KCNQ5: variants seen among roughly 807,000 people sequenced by gnomAD.
KCNQ5 encodes the protein potassium voltage-gated channel subfamily Q member 5.
KCNQ5 carries 30 observed loss-of-function variants against 98.2 expected under a neutral mutation model. That is an observed-to-expected ratio of 0.31 (90% CI 0.23 to 0.41). KCNQ5 has a LOEUF of 0.41. Ranked by LOEUF, KCNQ5 falls within the 10% of genes least tolerant of loss-of-function variation. KCNQ5 has a pLI of 1.00. For synonymous variants in KCNQ5, 458 were observed against 449.4 expected, an observed-to-expected ratio of 1.02 and a Z score of -0.24; for missense variants, 835 against 1,182.5, an observed-to-expected ratio of 0.71 and a Z score of 4.31.
At chr6:73,165,644 T>A (rs1417859506) in intron 10 of KCNQ5, among the ~76,000 whole-genome samples, 1 of 152,112 alleles carries the variant, frequency 6.6e-6, no homozygotes, top group Non-Finnish European at 1.5e-5. Context: ...CAGATACCAA[T>A]AAGAGATACA....
At chr6:72,675,843 T>C (rs1334565478) in intron 1 of KCNQ5, among the ~76,000 whole-genome samples, 2 of 152,194 alleles carry the variant, frequency 1.3e-5, no homozygotes, top group Middle Eastern at 3.2e-3. Context: ...GATGGGAGCA[T>C]TGGCTTAGAA....
chr6:73,167,365 T>G (rs1039344649), intron 10 of KCNQ5, among the ~76,000 whole-genome samples: 1 of 152,180 alleles, frequency 6.6e-6, no homozygotes, highest in Non-Finnish European at 1.5e-5. Context: ...TAGTCACAAT[T>G]TAACCCCAAA....
chr6:73,119,723 T>C (rs76818594), intron 7 of KCNQ5, among the ~76,000 whole-genome samples: 3,130 of 152,294 alleles, frequency 0.021, 116 homozygotes, highest in African/African-American at 0.071. Flanking sequence ...TGGATTTTCA[T>C]TAGTCCTTTG....
intron 3 of KCNQ5, among the ~76,000 whole-genome samples, chr6:73,056,858 G>A (rs1772524870): frequency 6.6e-6 from 1 of 152,084 alleles, no homozygotes; most frequent in Non-Finnish European, 1.5e-5. Flanking sequence ...GGAGAAATAG[G>A]AACATTTTTA....
chr6:73,072,626 G>T (rs752722405), intron 3 of KCNQ5, among the ~76,000 whole-genome samples: 3 of 152,094 alleles, frequency 2.0e-5, no homozygotes, highest in Non-Finnish European at 2.9e-5. Context: ...CTAAAAATAA[G>T]CTCTTTCACA....
intron 10 of KCNQ5, chr6:73,134,073 A>T: frequency 2.2e-6 from 1 of 455,254 alleles, no homozygotes; most frequent in Non-Finnish European, 4.5e-6. Context: ...TCAACAATGA[A>T]GGTGCTCTTT....
intron 1 of KCNQ5, among the ~76,000 whole-genome samples, chr6:72,787,164 C>T (rs1327193030): frequency 1.3e-5 from 2 of 152,040 alleles, no homozygotes; most frequent in Non-Finnish European, 2.9e-5. Context: ...CACAAATTCA[C>T]AGTGGTTTTT....
rs750340310 is a variant in KCNQ5, at chr6:73,124,498, G to A, written c.1233G>A (p.Gly411=). Residue 411 remains glycine, a synonymous_variant, in exon 9 of 14, where the codon GGG becomes GGA. Transcript: ENST00000370398. ...HTCSPTKKEQ[G]EASSSQKLSF... ...CACGCACCTGAAGGAAAGAACAAGGGGAAGCATCAAGCAGGTTTGTGATTT... is the reference window on the plus strand; with the variant it reads ...CACGCACCTGAAGGAAAGAACAAGGAGAAGCATCAAGCAGGTTTGTGATTT... 6 of 1,613,410 alleles carry A rather than the reference G, an allele frequency of 3.7e-6. No individual in the cohort carries two copies. The highest frequency in any genetic ancestry group is 4.2e-6 in the Non-Finnish European group (5 of 1,179,564).
chr6:73,001,397 A>G (rs1239371500), intron 1 of KCNQ5, among the ~76,000 whole-genome samples: 4 of 152,250 alleles, frequency 2.6e-5, no homozygotes, highest in African/African-American at 9.6e-5. Flanking sequence ...CCATTGTAGA[A>G]GGCACTGTAC....
chr6:73,000,336 T>C (rs552432828), intron 1 of KCNQ5, among the ~76,000 whole-genome samples: 27 of 152,332 alleles, frequency 1.8e-4, no homozygotes, highest in African/African-American at 4.8e-4. Flanking sequence ...ATGTGTTCAT[T>C]GTTCTCCATG....
intron 1 of KCNQ5, among the ~76,000 whole-genome samples, chr6:72,995,809 T>C (rs1229411577): frequency 6.6e-6 from 1 of 152,226 alleles, no homozygotes; most frequent in Non-Finnish European, 1.5e-5. Flanking sequence ...GCAAAATCTA[T>C]TCATTTTCAT....
At chr6:73,014,304 T>G (rs2150333092) in intron 2 of KCNQ5, among the ~76,000 whole-genome samples, 1 of 152,232 alleles carries the variant, frequency 6.6e-6, no homozygotes, top group East Asian at 1.9e-4. Flanking sequence ...AGAACTCCAT[T>G]TGATGAAAGT....
chr6:72,870,461 G>T (rs1421607080), intron 1 of KCNQ5, among the ~76,000 whole-genome samples: 1 of 151,952 alleles, frequency 6.6e-6, no homozygotes. Context: ...ATGTTGTCCA[G>T]GCTGCTCTCG....
chr6:72,745,140 T>A (rs887048987), intron 1 of KCNQ5, among the ~76,000 whole-genome samples: 11 of 152,246 alleles, frequency 7.2e-5, no homozygotes, highest in African/African-American at 2.4e-4. Flanking sequence ...GTCTCTGTTT[T>A]TCTTGCACTT....
intron 1 of KCNQ5, among the ~76,000 whole-genome samples, chr6:72,652,137 T>C (rs1765905324): frequency 6.6e-6 from 1 of 151,468 alleles, no homozygotes; most frequent in African/African-American, 2.4e-5. Flanking sequence ...CCACATCATA[T>C]GTAAATTAAG....
At chr6:72,873,917 T>C (rs1778308990) in intron 1 of KCNQ5, among the ~76,000 whole-genome samples, 1 of 151,848 alleles carries the variant, frequency 6.6e-6, no homozygotes, top group South Asian at 2.1e-4. Flanking sequence ...TAATTACGAG[T>C]TGAGAAAAGG....
chr6:72,691,264 C>T (rs904004682), intron 1 of KCNQ5, among the ~76,000 whole-genome samples: 1 of 152,116 alleles, frequency 6.6e-6, no homozygotes. Context: ...TTCTATTTTT[C>T]ATAAGTATCA....
chr6:72,862,812 CAGATGA>C (rs1001500598), intron 1 of KCNQ5, among the ~76,000 whole-genome samples: 2 of 151,856 alleles, frequency 1.3e-5, no homozygotes, highest in African/African-American at 4.8e-5. Context: ...ATTTTTTGTA[CAGATGA>C]AGTCTCACTG....
rs577807814 is a variant in KCNQ5 at position 73,117,689 on chromosome 6, C to T, written c.1126-2794C>T. ...TGTATCAAAAATCATATATGTGTGA[C>T]ATCTTCTATGGAAATTGTTTAATTA... On this transcript the variant is annotated intron_variant, in intron 7 of 13. Coordinates refer to ENST00000370398, the MANE Select transcript of KCNQ5 (RefSeq NM_019842.4). Among the ~76,000 whole-genome samples the T allele has an allele frequency of 2.0e-5, 3 of 152,328 alleles. No homozygotes were observed. The South Asian group carries it at 6.2e-4, about 32-fold the overall frequency.
Sources: allele counts gnomAD v4.1 joint callset (sites outside exome capture counted in the v4.1 genomes callset), GRCh38; gene constraint gnomAD v4.1.1; transcripts MANE v1.5; gene names NCBI Gene and HGNC (gene_info 2026-07-23, HGNC 2026-07-21).